Variants in LOXL4 observed in about 807,000 individuals in gnomAD.
LOXL4 encodes the protein lysyl oxidase like 4, also known as lysyl oxidase homolog 4.
A neutral mutation model predicts 89.1 loss-of-function variants in LOXL4; 72 were observed. The ratio of observed to expected loss-of-function variants is 0.81; its 90% confidence interval spans 0.67 to 0.98. The LOEUF (loss-of-function observed/expected upper bound fraction) is 0.98. Among genes scored for constraint, LOXL4 ranks in the 50% least tolerant of loss-of-function variants. The pLI, the probability that LOXL4 is intolerant of heterozygous loss-of-function variation, is 0.00. For missense variants in LOXL4, 984 were observed against 1,017.5 expected (o/e 0.97, Z 0.45); for synonymous variants, 355 against 392.1 (o/e 0.91, Z 1.12).
chr10:98,260,933 G>T lies in LOXL4; in HGVS notation c.651C>A (p.Ser217Arg). 2 of 1,610,432 alleles carry T rather than the reference G, an allele frequency of 1.2e-6. No homozygotes were observed. Among genetic ancestry groups the T allele is most frequent in the East Asian group, 4.5e-5 (2 of 44,686 alleles). Residue 217 changes from serine (S) to arginine (R), a missense_variant, in exon 4 of 15, where the codon AGC becomes AGA. By Grantham distance (110) the Ser-to-Arg change is moderately radical. Transcript: ENST00000260702. ...AGCCGCCCTCCTACCTGTAGTAGTGGCTGTCGACAGGCACCTCGCTGGGGA... is the reference window on the plus strand; with the variant it reads ...AGCCGCCCTCCTACCTGTAGTAGTGTCTGTCGACAGGCACCTCGCTGGGGA... ...LGFPSEVPVD[S>R]HYYRKVWDLK... is the part of the protein sequence containing the mutation.
intron 6 of LOXL4, among the ~76,000 whole-genome samples, chr10:98,258,685 A>C (rs1858451104): frequency 6.6e-6 from 1 of 152,136 alleles, no homozygotes; most frequent in African/African-American, 2.4e-5. Flanking sequence ...GCACTTGCTC[A>C]TCTCCTCTTT....
At chr10:98,253,289 AACAACTCTGCTGG>A (rs1336168763) in intron 11 of LOXL4, among the ~76,000 whole-genome samples, 1 of 152,248 alleles carries the variant, frequency 6.6e-6, no homozygotes, top group Non-Finnish European at 1.5e-5. Context: ...ATTCTAACAG[AACAACTCTGCTGG>A]CGGTGACGCC....
intron 4 of LOXL4, among the ~76,000 whole-genome samples, chr10:98,260,042 G>A (rs563280135): frequency 6.6e-6 from 1 of 152,210 alleles, no homozygotes; most frequent in African/African-American, 2.4e-5. Flanking sequence ...GACGTACTAC[G>A]GGAGACTTCT....
intron 14 of LOXL4, 139 bp from the exon 15 acceptor site, chr10:98,249,130 G>C: frequency 1.5e-6 from 1 of 673,692 alleles, no homozygotes; most frequent in African/African-American, 1.8e-5. Flanking sequence ...TCATTTTATA[G>C]AAATAGGCCT....
rs777564778 is a variant in LOXL4, at chr10:98,256,843, C to T, written c.1365G>A (p.Gly455=). The part of the protein sequence containing the change: ...RWGSVCSENW[G]LTEAMVACRQ... ...GGCAGGCCACCATGGCTTCGGTGAG[C>T]CCCCAGTTTTCACTGCACACGCTCC... Residue 455 remains glycine (G), a synonymous_variant, in exon 9 of 15, where the codon GGG becomes GGA. Transcript: ENST00000260702. 3.1e-6 allele frequency: 5 copies of T among 1,614,138 alleles called. No individual in the cohort carries two copies. The highest frequency in any genetic ancestry group is 2.7e-5 in the African/African-American group (2 of 75,060).
At chr10:98,262,521 C>T (rs1475501820) in intron 2 of LOXL4, among the ~76,000 whole-genome samples, 2 of 152,122 alleles carry the variant, frequency 1.3e-5, no homozygotes, top group Non-Finnish European at 2.9e-5. Flanking sequence ...TTGCTATGTT[C>T]AAGGAACTTA....
chr10:98,264,905 G>A (rs2135847822), intron 1 of LOXL4, among the ~76,000 whole-genome samples: 1 of 152,338 alleles, frequency 6.6e-6, no homozygotes, highest in South Asian at 2.1e-4. Context: ...CGCTTGAGTG[G>A]GGAGGCTCTC....
chr10:98,260,741 C>T (rs970449333), intron 4 of LOXL4, among the ~76,000 whole-genome samples, 181 bp downstream of exon 4: 4 of 152,126 alleles, frequency 2.6e-5, no homozygotes, highest in Non-Finnish European at 4.4e-5. Flanking sequence ...CTGAACTCTG[C>T]GAGGTCCCAC....
At chr10:98,255,156 A>ATATT (rs1244282231) in intron 10 of LOXL4, among the ~76,000 whole-genome samples, 36 of 152,100 alleles carry the variant, frequency 2.4e-4, no homozygotes, top group African/African-American at 8.5e-4. Flanking sequence ...GGGTGTGCTC[A>ATATT]TATTTGTATG....
In LOXL4 at chr10:98,259,401, G is replaced by A. The variant is rs775067614; in HGVS notation, c.691C>T (p.Pro231Ser). 1 of 1,613,236 alleles carries A rather than the reference G, an allele frequency of 6.2e-7. No individual in the cohort carries two copies. Among genetic ancestry groups the A allele is most frequent in the Non-Finnish European group, 8.5e-7 (1 of 1,179,834 alleles). Residue 231 changes from proline to serine, a missense_variant, in exon 5 of 15, where the codon CCT (proline) becomes TCT (serine). Pro to Ser is a moderately conservative substitution (Grantham distance 74, BLOSUM62 -1). Coordinates refer to ENST00000260702, the MANE Select transcript of LOXL4 (RefSeq NM_032211.7). ...GGTGCTGCTCCTCACCTAGACTTAG[G>A]GTCCCTCATCTTCAGATCCCAGACT... ...RKVWDLKMRD[P>S]KSRLKSLTNK...
chr10:98,256,943 C>A lies in LOXL4; in HGVS notation c.1265G>T (p.Arg422Leu). ...VPNMGFQNQV[R>L]LAGGRIPEEG... is the part of the protein sequence containing the mutation. ...CTCAGGGATACGCCCACCAGCCAAG[C>A]GCACCTGCAATGGCGAGGGGTGTGT... The change falls in exon 9 of 15, where the codon CGC (arginine) becomes CTC (leucine). Residue 422 changes from arginine to leucine, a missense_variant. Arg to Leu is a moderately radical substitution (Grantham distance 102). Transcript: ENST00000260702. The A allele has an allele frequency of 6.2e-7, 1 of 1,613,882 alleles. No homozygotes were observed.
rs1858179841 is a variant in LOXL4 at position 98,251,126 on chromosome 10, ATTG to A, written c.2136_2138del (p.Asn713del). ...CATACTTGCAGCGGCACTGCAGCAT[ATTG>A]TTGGAGAAATCTGACTCTGCCACTT... On this transcript the variant is annotated inframe_deletion, in exon 14 of 15. Coordinates refer to ENST00000260702, the MANE Select transcript of LOXL4 (RefSeq NM_032211.7). 1.9e-6 allele frequency: 3 copies of A among 1,614,102 alleles called. No homozygotes were observed. The highest frequency in any genetic ancestry group is 2.5e-6 in the Non-Finnish European group (3 of 1,180,022).
chr10:98,250,015 A>G (rs1858143027), intron 14 of LOXL4, among the ~76,000 whole-genome samples: 1 of 152,206 alleles, frequency 6.6e-6, no homozygotes, highest in African/African-American at 2.4e-5. Context: ...ATTATCTTAG[A>G]ACTATCACAA....
intron 12 of LOXL4, 38 bp from the exon 13 acceptor site, chr10:98,251,740 G>A (rs377058202): frequency 8.7e-6 from 14 of 1,610,064 alleles, no homozygotes; most frequent in East Asian, 2.2e-5. Context: ...GAGGCAGGAC[G>A]AAGCACTCTG....
Position 98,252,427 on chromosome 10 carries a change from A to G in LOXL4, c.1877T>C (p.Leu626Pro), listed in dbSNP as rs773628452. The change falls in exon 12 of 15, where the codon CTC becomes CCC. Residue 626 changes from leucine (L) to proline (P), a missense_variant. Leu to Pro is a moderately conservative substitution (Grantham distance 98, BLOSUM62 -3). Coordinates refer to ENST00000260702, the MANE Select transcript of LOXL4 (RefSeq NM_032211.7). Reference sequence around the variant, plus strand: ...AGCCACCTTGGAGCCATTGAGAGTGAGGAGGTCGTAGTGGGTGAAGACCTC... The same window carrying G: ...AGCCACCTTGGAGCCATTGAGAGTGGGGAGGTCGTAGTGGGTGAAGACCTC... ...SIEVFTHYDL[L>P]TLNGSKVAEG... 4.3e-6 allele frequency: 7 copies of G among 1,614,112 alleles called. No individual in the cohort carries two copies. Among genetic ancestry groups the G allele is most frequent in the Non-Finnish European group, 5.9e-6 (7 of 1,180,006 alleles).
intron 13 of LOXL4, 30 bp downstream of exon 13, chr10:98,251,536 G>T (rs769239402): frequency 1.9e-6 from 3 of 1,611,616 alleles, no homozygotes; most frequent in South Asian, 2.2e-5. Context: ...AGGAAATCAG[G>T]CTCTGTGGGG....
chr10:98,263,495 G>T (rs1335779634), intron 1 of LOXL4, among the ~76,000 whole-genome samples: 1 of 152,202 alleles, frequency 6.6e-6, no homozygotes, highest in South Asian at 2.1e-4. Context: ...TGCCCCCAGG[G>T]TGCCCTCAGG....
At chr10:98,266,293 G>T (rs1463862091) in intron 1 of LOXL4, among the ~76,000 whole-genome samples, 2 of 152,184 alleles carry the variant, frequency 1.3e-5, no homozygotes, top group Non-Finnish European at 2.9e-5. Context: ...AATTGTGTCT[G>T]GAGTCAAATA....
intron 14 of LOXL4, among the ~76,000 whole-genome samples, chr10:98,250,135 G>A (rs1858146398): frequency 1.3e-5 from 2 of 152,222 alleles, no homozygotes. Flanking sequence ...GCTAGAAAGT[G>A]GTGGGACTGG....
Sources: allele counts gnomAD v4.1 joint callset (sites outside exome capture counted in the v4.1 genomes callset), GRCh38; gene constraint gnomAD v4.1.1; transcripts MANE v1.5; gene names NCBI Gene and HGNC (gene_info 2026-07-23, HGNC 2026-07-21).